PRDM10: variants seen among roughly 807,000 people sequenced by gnomAD.
The protein encoded by PRDM10 is PR domain zinc finger protein 10.
PRDM10 carries 65 observed loss-of-function variants against 133.1 expected under a neutral mutation model. The ratio of observed to expected loss-of-function variants is 0.49; its 90% confidence interval spans 0.40 to 0.60. PRDM10 has a LOEUF of 0.60. Ranked by LOEUF, PRDM10 falls within the 20% of genes least tolerant of loss-of-function variation. PRDM10 has a pLI of 0.00. For missense variants in PRDM10, 1,137 were observed against 1,507.1 expected, an observed-to-expected ratio of 0.75 and a Z score of 4.07; for synonymous variants, 582 against 580.4, an observed-to-expected ratio of 1.00 and a Z score of -0.04.
chr11:129,959,365 G>A (rs1164981893), intron 2 of PRDM10, among the ~76,000 whole-genome samples: 1 of 152,116 alleles, frequency 6.6e-6, no homozygotes, highest in Non-Finnish European at 1.5e-5. Context: ...TGTGACTTTC[G>A]ATTTGTTCAT....
intron 4 of PRDM10, among the ~76,000 whole-genome samples, chr11:129,953,246 G>A (rs756529386): frequency 2.0e-5 from 3 of 152,070 alleles, no homozygotes; most frequent in Non-Finnish European, 2.9e-5. Context: ...CCAAAGTGCT[G>A]GGATAACAGG....
In PRDM10 at chr11:129,955,706, A is replaced by G. The variant is rs139437634; in HGVS notation, c.235-135T>C. Reference sequence around the variant, plus strand: ...TTTAGCCAGTAATAAGCTTTCATTAATACAGAAAATAAAGATAGTAATCTT... The same window carrying G: ...TTTAGCCAGTAATAAGCTTTCATTAGTACAGAAAATAAAGATAGTAATCTT... On this transcript the variant is annotated intron_variant, in intron 3 of 20. Transcript: ENST00000360871. 890 of 653,160 alleles carry G rather than the reference A, an allele frequency of 1.4e-3. 5 individuals are homozygous for G. Among genetic ancestry groups the G allele is most frequent in the African/African-American group, 0.013 (737 of 54,674 alleles). 40.5% of individuals were successfully genotyped at this position (653,160 alleles called of 1,614,324 possible).
chr11:129,967,095 G>A (rs545902531), intron 1 of PRDM10, among the ~76,000 whole-genome samples: 14 of 152,120 alleles, frequency 9.2e-5, no homozygotes, highest in Non-Finnish European at 1.8e-4. Context: ...CTAAATGACA[G>A]AAAGCACTTG....
chr11:129,965,544 C>T (rs1951889362), intron 1 of PRDM10, among the ~76,000 whole-genome samples: 1 of 152,100 alleles, frequency 6.6e-6, no homozygotes, highest in Non-Finnish European at 1.5e-5. Context: ...CACAGCTATA[C>T]CTTGTCTAGA....
chr11:129,995,576 T>C (rs1482069290), intron 1 of PRDM10, among the ~76,000 whole-genome samples: 1 of 152,054 alleles, frequency 6.6e-6, no homozygotes, highest in Non-Finnish European at 1.5e-5. Flanking sequence ...CCCCAATAAA[T>C]TGGCCTCAAA....
chr11:129,963,048 C>G (rs1951826568), intron 1 of PRDM10, among the ~76,000 whole-genome samples: 1 of 151,228 alleles, frequency 6.6e-6, no homozygotes, highest in Admixed American at 6.6e-5. Context: ...TCTTGGGAGT[C>G]TGAGGTGGAA....
At chr11:129,917,429 C>G (rs1591591500) in intron 14 of PRDM10, among the ~76,000 whole-genome samples, 192 bp from the exon 15 acceptor site, 1 of 152,204 alleles carries the variant, frequency 6.6e-6, no homozygotes, top group East Asian at 1.9e-4. Context: ...TCATGGTTAA[C>G]AGGAGTTAAC....
In PRDM10 at chr11:129,912,135, G is replaced by A; in HGVS notation, c.2932C>T (p.Gln978Ter). 1 of 1,613,222 alleles carries A rather than the reference G, an allele frequency of 6.2e-7. No individual in the cohort carries two copies. Among genetic ancestry groups the A allele is most frequent in the South Asian group, 1.1e-5 (1 of 90,964 alleles). Residue 978 changes from glutamine (Q) to a stop codon, truncating the protein, a stop_gained, in exon 18 of 21, where the codon CAG becomes TAG. Coordinates refer to ENST00000360871, the MANE Select transcript of PRDM10 (RefSeq NM_199437.2). LOFTEE classifies it high-confidence loss of function. The part of the protein sequence containing the change: ...QPYPQHAIQV[Q>*]HIQVSEPTAS... ...GTAGGCTCGCTGACCTGGATGTGCT[G>A]CACCTGGATGGCGTGCTGGGGGTAG...
At chr11:129,938,566 C>T (rs1470872543) in intron 7 of PRDM10, among the ~76,000 whole-genome samples, 1 of 152,202 alleles carries the variant, frequency 6.6e-6, no homozygotes, top group Non-Finnish European at 1.5e-5. Context: ...GCCTGGATGG[C>T]CACTTGGCCT....
rs780467177 is a variant in PRDM10 at position 129,925,139 on chromosome 11, G to C, written c.1621C>G (p.Leu541Val). ...CCATGGAAGCGTAAGTGCTGGTCCA[G>C]TTTGTCCTTTTCCCGGAAGGCCTTC... ...CGKAFREKDKLDQHLRFHGRE... is the reference protein window; with the variant it reads ...CGKAFREKDKVDQHLRFHGRE... Residue 541 changes from leucine to valine, a missense_variant, in exon 12 of 21, where the codon CTG becomes GTG. Around this residue, in one of 6 missense-constraint regions of PRDM10, gnomAD observed 635 missense variants for 835.2 expected, o/e 0.76. Coordinates refer to ENST00000360871, the MANE Select transcript of PRDM10 (RefSeq NM_199437.2). 3.7e-6 allele frequency: 6 copies of C among 1,614,196 alleles called. No homozygotes were observed. The South Asian group carries it at 6.6e-5, about 18-fold the overall frequency.
intron 1 of PRDM10, among the ~76,000 whole-genome samples, chr11:129,998,461 T>C (rs1939175731): frequency 6.6e-6 from 1 of 152,192 alleles, no homozygotes. Flanking sequence ...AAAAAATGAA[T>C]AGCAAACTAC....
At chr11:129,908,665 A>G (rs1005981562) in intron 19 of PRDM10, among the ~76,000 whole-genome samples, 6 of 152,086 alleles carry the variant, frequency 3.9e-5, no homozygotes, top group African/African-American at 1.4e-4. Flanking sequence ...CTACTTTTAT[A>G]TATTTTTACA....
intron 1 of PRDM10, among the ~76,000 whole-genome samples, chr11:129,972,489 C>T (rs561354730): frequency 1.8e-4 from 28 of 152,358 alleles, no homozygotes; most frequent in African/African-American, 6.5e-4. Flanking sequence ...ATGAAAGACA[C>T]CTCTGTCCAG....
intron 1 of PRDM10, among the ~76,000 whole-genome samples, chr11:129,988,842 G>A (rs1050884164): frequency 6.6e-6 from 1 of 151,780 alleles, no homozygotes; most frequent in Non-Finnish European, 1.5e-5. Context: ...TGTTAGCCAG[G>A]ATGGTCTCGA....
chr11:129,941,206 C>T (rs910910681), intron 7 of PRDM10, among the ~76,000 whole-genome samples: 3 of 152,112 alleles, frequency 2.0e-5, no homozygotes, highest in Non-Finnish European at 4.4e-5. Flanking sequence ...TGTTTGTGTA[C>T]TTATATGATC....
At chr11:129,982,919 C>T (rs1415746745) in intron 1 of PRDM10, among the ~76,000 whole-genome samples, 1 of 152,114 alleles carries the variant, frequency 6.6e-6, no homozygotes, top group African/African-American at 2.4e-5. Context: ...TGAGATGGCA[C>T]CACTGCACTC....
intron 16 of PRDM10, 68 bp downstream of exon 16, chr11:129,915,591 GC>G: frequency 6.7e-7 from 1 of 1,483,346 alleles, no homozygotes; most frequent in East Asian, 2.3e-5. Flanking sequence ...TGGATGAGAA[GC>G]CACCTTTCCT....
chr11:129,905,179 T>C (rs1230714076), intron 20 of PRDM10, among the ~76,000 whole-genome samples: 2 of 152,046 alleles, frequency 1.3e-5, no homozygotes, highest in South Asian at 2.1e-4. Context: ...CTGGCCAGCA[T>C]GGTGAAACCC....
chr11:129,998,819 C>CTTT (rs11461594), intron 1 of PRDM10, among the ~76,000 whole-genome samples: 9,209 of 136,022 alleles, frequency 0.068, 374 homozygotes, highest in Admixed American at 0.13. Context: ...GGTGTAATAA[C>CTTT]TTTTTTTTTT....
Sources: allele counts gnomAD v4.1 joint callset (sites outside exome capture counted in the v4.1 genomes callset), GRCh38; gene constraint gnomAD v4.1.1; regional missense constraint gnomAD v4.1.1; transcripts MANE v1.5; gene names NCBI Gene and HGNC (gene_info 2026-07-23, HGNC 2026-07-21).